RORA: variants seen among roughly 807,000 people sequenced by gnomAD.
RORA encodes nuclear receptor ROR-alpha.
In RORA, 7 loss-of-function variants were observed where a neutral mutation model predicts 69.5. The observed-to-expected ratio is 0.10, with a 90% CI of 0.06 to 0.19. The LOEUF (loss-of-function observed/expected upper bound fraction) is 0.19. Ranked by LOEUF, RORA falls within the 10% of genes least tolerant of loss-of-function variation. The probability of loss-of-function intolerance (pLI) is 1.00; values close to 1 mark genes in which losing one functional copy is unlikely to be tolerated. For synonymous variants in RORA, 261 were observed against 240.8 expected, an observed-to-expected ratio of 1.08 and a Z score of -0.78; for missense variants, 457 against 663.0, an observed-to-expected ratio of 0.69 and a Z score of 3.41.
chr15:60,720,515 C>T (rs1040098373), intron 1 of RORA, among the ~76,000 whole-genome samples: 5 of 152,306 alleles, frequency 3.3e-5, no homozygotes, highest in Middle Eastern at 3.4e-3. Context: ...TTCATGGTCA[C>T]GCCCTTCCCT....
At chr15:60,893,164 G>T (rs915960611) in intron 1 of RORA, among the ~76,000 whole-genome samples, 1 of 152,284 alleles carries the variant, frequency 6.6e-6, no homozygotes, top group South Asian at 2.1e-4. Context: ...GTTACCCAAG[G>T]ACACAGCTTT....
intron 1 of RORA, among the ~76,000 whole-genome samples, chr15:60,734,334 G>T (rs138725198): frequency 6.6e-6 from 1 of 152,116 alleles, no homozygotes; most frequent in African/African-American, 2.4e-5. Context: ...GAAGTTTGGG[G>T]ACCACTACCC....
intron 1 of RORA, among the ~76,000 whole-genome samples, chr15:60,850,505 G>A (rs775120622): frequency 7.2e-5 from 11 of 152,070 alleles, no homozygotes; most frequent in Non-Finnish European, 1.3e-4. Flanking sequence ...CTCTAAAATG[G>A]GGATAATAAT....
chr15:61,023,187 C>CAAAAAAAAA (rs35185635), intron 1 of RORA, among the ~76,000 whole-genome samples: 2 of 75,672 alleles, frequency 2.6e-5, no homozygotes, highest in African/African-American at 1.1e-4. Flanking sequence ...GACTCTGCCT[C>CAAAAAAAAA]AAAAAAAAAA....
chr15:60,499,420 C>G (rs946497010), intron 10 of RORA, among the ~76,000 whole-genome samples: 1 of 152,138 alleles, frequency 6.6e-6, no homozygotes, highest in African/African-American at 2.4e-5. Flanking sequence ...TACCTGTAGT[C>G]TTAGCTACTC....
chr15:60,622,741 A>T (rs993171878), intron 2 of RORA, among the ~76,000 whole-genome samples: 1 of 152,288 alleles, frequency 6.6e-6, no homozygotes, highest in African/African-American at 2.4e-5. Flanking sequence ...TTTGAGGTGC[A>T]GTCTCGCTGT....
intron 1 of RORA, among the ~76,000 whole-genome samples, chr15:60,984,305 A>T (rs1894130288): frequency 6.6e-6 from 1 of 152,138 alleles, no homozygotes; most frequent in Non-Finnish European, 1.5e-5. Context: ...TCACAAAGAG[A>T]GGTTGGAGAA....
chr15:60,826,114 C>A (rs2072952135), intron 1 of RORA, among the ~76,000 whole-genome samples: 1 of 152,164 alleles, frequency 6.6e-6, no homozygotes, highest in Admixed American at 6.5e-5. Flanking sequence ...GGGAAAGGAA[C>A]ACTGGATGGG....
intron 1 of RORA, among the ~76,000 whole-genome samples, chr15:61,215,297 G>T (rs1355084253): frequency 6.6e-6 from 1 of 152,078 alleles, no homozygotes; most frequent in Non-Finnish European, 1.5e-5. Context: ...ATAGAAATGT[G>T]CCTCTATCTT....
intron 1 of RORA, among the ~76,000 whole-genome samples, chr15:60,723,513 A>G (rs1194429465): frequency 6.6e-6 from 1 of 152,192 alleles, no homozygotes; most frequent in African/African-American, 2.4e-5. Flanking sequence ...AAACTAGTTG[A>G]GTACTTTCTC....
At chr15:60,920,355 G>C (rs1255688458) in intron 1 of RORA, among the ~76,000 whole-genome samples, 1 of 152,190 alleles carries the variant, frequency 6.6e-6, no homozygotes, top group Non-Finnish European at 1.5e-5. Context: ...ATTAAGTAAT[G>C]TTTTCAACGT....
At chr15:60,749,621 G>A (rs536953372) in intron 1 of RORA, among the ~76,000 whole-genome samples, 2 of 152,186 alleles carry the variant, frequency 1.3e-5, no homozygotes, top group African/African-American at 4.8e-5. Context: ...CTGTCTGTTA[G>A]CACACTTAGA....
At chr15:60,763,500 C>T (rs910890469) in intron 1 of RORA, among the ~76,000 whole-genome samples, 4 of 152,146 alleles carry the variant, frequency 2.6e-5, no homozygotes, top group African/African-American at 9.7e-5. Flanking sequence ...AAACTCTTGA[C>T]GAGATCTAAG....
intron 1 of RORA, among the ~76,000 whole-genome samples, chr15:60,911,544 G>A (rs1051562586): frequency 6.6e-6 from 1 of 152,096 alleles, no homozygotes; most frequent in Non-Finnish European, 1.5e-5. Context: ...ATCCTTGAAT[G>A]AGGATTTTAA....
chr15:60,559,690 G>T (rs879669595), intron 2 of RORA, among the ~76,000 whole-genome samples: 3 of 152,182 alleles, frequency 2.0e-5, no homozygotes, highest in East Asian at 1.9e-4. Flanking sequence ...GAAAGATGTC[G>T]TGCAAGGAAT....
At chr15:60,875,034 T>C (rs745504061) in intron 1 of RORA, among the ~76,000 whole-genome samples, 1 of 152,052 alleles carries the variant, frequency 6.6e-6, no homozygotes. Flanking sequence ...ACAACAATAA[T>C]GGTAACAACA....
At chr15:60,909,045 C>A (rs1415557877) in intron 1 of RORA, among the ~76,000 whole-genome samples, 1 of 152,106 alleles carries the variant, frequency 6.6e-6, no homozygotes, top group Admixed American at 6.6e-5. Context: ...CTCACACCAC[C>A]CATCTCCAGG....
At chr15:60,782,594 C>T (rs1365007408) in intron 1 of RORA, among the ~76,000 whole-genome samples, 1 of 152,118 alleles carries the variant, frequency 6.6e-6, no homozygotes, top group Non-Finnish European at 1.5e-5. Context: ...TCACAGAAAT[C>T]AGTTGAAGTT....
intron 1 of RORA, among the ~76,000 whole-genome samples, chr15:60,940,865 T>G (rs1487030011): frequency 6.6e-6 from 1 of 152,172 alleles, no homozygotes; most frequent in African/African-American, 2.4e-5. Context: ...AGGCAAAGCT[T>G]GCAGTGAGCC....
Sources: gnomAD v4.1 joint callset for allele counts (sites outside exome capture counted in the v4.1 genomes callset) on GRCh38, gnomAD v4.1.1 for gene constraint, MANE v1.5 for transcripts, NCBI Gene and HGNC (gene_info 2026-07-23, HGNC 2026-07-21) for gene names.